The following LPA variants were observed in gnomAD, a reference collection of about 807,000 sequenced individuals.
LPA encodes the protein apolipoprotein(a).
A neutral mutation model predicts 197.9 loss-of-function variants in LPA; 199 were observed. The ratio of observed to expected loss-of-function variants is 1.01; its 90% CI spans 0.90 to 1.13. The LOEUF (loss-of-function observed/expected upper bound fraction) is 1.13. Ranked by LOEUF, LPA falls within the 50% of genes most tolerant of loss-of-function variation. The pLI is 0.00. For synonymous variants in LPA, 715 were observed against 639.5 expected (o/e 1.12, Z -1.78); for missense variants, 1,853 against 1,785.8 (o/e 1.04, Z -0.68).
intron 16 of LPA, among the ~76,000 whole-genome samples, chr6:160,608,174 C>T (rs555453686): frequency 1.5e-4 from 23 of 152,282 alleles, no homozygotes; most frequent in African/African-American, 5.5e-4. Context: ...TTCTTCATTA[C>T]ATGGGCTGCA....
chr6:160,591,149 A>T (rs759967629), intron 22 of LPA, 48 bp from the exon 23 acceptor site: 1 of 1,607,872 alleles, frequency 6.2e-7, no homozygotes, highest in South Asian at 1.1e-5. Context: ...GAGAAGATAC[A>T]AGGGCACCAG....
In LPA at chr6:160,606,641, T is replaced by C; in HGVS notation, c.2621A>G (p.Tyr874Cys). Residue 874 changes from tyrosine (Y) to cysteine (C), a missense_variant, in exon 17 of 39, where the codon TAC becomes TGC. By Grantham distance (194) the Tyr-to-Cys change is radical (BLOSUM62 -2). Around this residue, in one of 3 missense-constraint regions of LPA, gnomAD observed 1,737 missense variants for 1,504.4 expected, o/e 1.15. Transcript: ENST00000316300. ...TGCCACAGGATCTGGATTCCTGCAG[T>C]AGTTCATGATCAAGCCACTGGAAAT... ...YYPNAGLIMN[Y>C]CRNPDPVAAP... 1 of 1,614,000 alleles carries C rather than the reference T, an allele frequency of 6.2e-7. No homozygotes were observed. Among genetic ancestry groups the C allele is most frequent in the South Asian group, 1.1e-5 (1 of 91,066 alleles).
At chr6:160,610,495 C>A (rs1405266293) in intron 16 of LPA, among the ~76,000 whole-genome samples, 3 of 152,160 alleles carry the variant, frequency 2.0e-5, no homozygotes, top group South Asian at 4.1e-4. Flanking sequence ...TGATCTCTAT[C>A]TTCTTAATTG....
intron 1 of LPA, among the ~76,000 whole-genome samples, chr6:160,662,062 A>T (rs961349457): frequency 6.6e-6 from 1 of 152,184 alleles, no homozygotes; most frequent in Non-Finnish European, 1.5e-5. Context: ...TCATGTTGCT[A>T]GGAAATATCC....
At chr6:160,606,313 C>A (rs62441702) in intron 17 of LPA, among the ~76,000 whole-genome samples, 164 bp downstream of exon 17, 1 of 152,164 alleles carries the variant, frequency 6.6e-6, no homozygotes, top group Non-Finnish European at 1.5e-5. Context: ...GAAATCAATC[C>A]GCTGGCTCCC....
Position 160,555,455 on chromosome 6 carries a change from A to ATATG in LPA, c.4973+569_4973+570insCATA, listed in dbSNP as rs1287454419. On this transcript the variant is annotated intron_variant, in intron 30 of 38. Coordinates refer to ENST00000316300, the MANE Select transcript of LPA (RefSeq NM_005577.4). ...CTAGAACATATATATATATATATATATGTGTGTGTATATATATATGTATAT... is the reference window on the plus strand; with the variant it reads ...CTAGAACATATATATATATATATATATATGTGTGTGTGTATATATATATGTATAT... Among the ~76,000 whole-genome samples the ATATG allele has an allele frequency of 6.4e-3, 853 of 133,060 alleles. 4 individuals are homozygous for ATATG. Among genetic ancestry groups the ATATG allele is most frequent in the African/African-American group, 0.018 (636 of 35,260 alleles). 87.3% of individuals were successfully genotyped at this position (133,060 alleles called of 152,430 possible).
rs905200759 is a variant in LPA at position 160,549,535 on chromosome 6, T to C, written c.4974-876A>G. On this transcript the variant is annotated intron_variant, in intron 30 of 38. Coordinates refer to ENST00000316300, the MANE Select transcript of LPA (RefSeq NM_005577.4). Reference sequence around the variant, plus strand: ...TCCAAGGAGGAAATGCCATCCAAGATGATATCATTCCCAGGCCAGCCTCCC... The same window carrying C: ...TCCAAGGAGGAAATGCCATCCAAGACGATATCATTCCCAGGCCAGCCTCCC... Among the ~76,000 whole-genome samples, 8 of 152,324 alleles carry C rather than the reference T, an allele frequency of 5.3e-5. No homozygotes were observed. The South Asian group carries it at 8.3e-4, about 16-fold the overall frequency.
intron 18 of LPA, among the ~76,000 whole-genome samples, chr6:160,601,531 G>T (rs540518054): frequency 6.6e-6 from 1 of 152,118 alleles, no homozygotes; most frequent in Non-Finnish European, 1.5e-5. Context: ...ATATAGTAAT[G>T]TGCGAGTTGG....
At chr6:160,574,116 T>A (rs890214628) in intron 28 of LPA, among the ~76,000 whole-genome samples, 1 of 151,606 alleles carries the variant, frequency 6.6e-6, no homozygotes, top group Non-Finnish European at 1.5e-5. Flanking sequence ...GTCACTGGAG[T>A]TGTGTACCTA....
chr6:160,578,471 T>A, intron 27 of LPA, 52 bp downstream of exon 27: 1 of 1,607,966 alleles, frequency 6.2e-7, no homozygotes, highest in Non-Finnish European at 8.5e-7. Flanking sequence ...TCAGTAAGAT[T>A]TTCCATGGTT....
At chr6:160,532,675 G>C (rs773396699) in intron 37 of LPA, 26 bp from the exon 38 acceptor site, 2 of 1,436,664 alleles carry the variant, frequency 1.4e-6, no homozygotes, top group East Asian at 4.5e-5. Context: ...TGAAAGAAAT[G>C]GTTACTGAGG....
In LPA at chr6:160,611,562, G is replaced by A. The variant is rs757112211; in HGVS notation, c.2603C>T (p.Ala868Val). 28 of 1,606,472 alleles carry A rather than the reference G, an allele frequency of 1.7e-5. No homozygotes were observed. Among genetic ancestry groups the A allele is most frequent in the Admixed American group, 1.0e-4 (6 of 59,960 alleles). ...CTTATGGTAAAGAACAAAGACATAC[G>A]CATTTGGGTAGTATTCTGGGGTCCG... is the stretch of plus-strand genomic sequence containing the variant. Reference protein sequence around the residue: ...HSRTPEYYPNAGLIMNYCRNP... With the variant: ...HSRTPEYYPNVGLIMNYCRNP... The change falls in exon 16 of 39, where the codon GCT becomes GTT. Residue 868 changes from alanine to valine, a missense_variant and splice_region_variant. Coordinates refer to ENST00000316300, the MANE Select transcript of LPA (RefSeq NM_005577.4).
At chr6:160,558,163 C>T (rs1187986514) in intron 28 of LPA, among the ~76,000 whole-genome samples, 3 of 152,122 alleles carry the variant, frequency 2.0e-5, no homozygotes, top group South Asian at 4.1e-4. Context: ...TCGTGATCCA[C>T]CCACCTCGGC....
chr6:160,597,294 G>A (rs1043572998), intron 20 of LPA, among the ~76,000 whole-genome samples: 7 of 152,238 alleles, frequency 4.6e-5, no homozygotes, highest in Admixed American at 1.3e-4. Flanking sequence ...AACTCAGAGT[G>A]TGGGCTTATC....
intron 28 of LPA, among the ~76,000 whole-genome samples, chr6:160,563,895 T>A (rs2115017780): frequency 6.6e-6 from 1 of 152,330 alleles, no homozygotes; most frequent in Admixed American, 6.5e-5. Flanking sequence ...CCGCTGCTTT[T>A]TTTTTCTTTC....
rs1352017075 is a variant in LPA, at chr6:160,634,926, C to A, written c.1075+197G>T. ...GGAAGGTTTGTGCCCATTCTAAAGA[C>A]AAAGCCCACCCAAGTTGCACCAGAA... On this transcript the variant is annotated intron_variant, in intron 7 of 38. Coordinates refer to ENST00000316300, the MANE Select transcript of LPA (RefSeq NM_005577.4). Among the ~76,000 whole-genome samples, 45 of 150,326 alleles carry A rather than the reference C, an allele frequency of 3.0e-4. 5 individuals are homozygous for A. The highest frequency in any genetic ancestry group is 1.0e-3 in the African/African-American group (41 of 39,640).
intron 16 of LPA, among the ~76,000 whole-genome samples, chr6:160,609,845 T>C (rs931460063): frequency 2.6e-5 from 4 of 151,990 alleles, no homozygotes; most frequent in Non-Finnish European, 5.9e-5. Context: ...TGTGTGTGTG[T>C]GTGGCTCATT....
At chr6:160,573,393 C>A (rs1431024488) in intron 28 of LPA, among the ~76,000 whole-genome samples, 1 of 151,516 alleles carries the variant, frequency 6.6e-6, no homozygotes, top group Non-Finnish European at 1.5e-5. Context: ...TTCTCTGGTC[C>A]CTCCCTGATT....
Position 160,547,821 on chromosome 6 carries a change from C to T in LPA, c.5272G>A (p.Gly1758Arg), listed in dbSNP as rs1254684539. Residue 1758 changes from glycine to arginine, a missense_variant, in exon 32 of 39, where the codon GGG becomes AGG. Transcript: ENST00000316300. ...TCCAGACCTGCCCATTTATTTGTCC[C>T]TGGAATGAACGTGCTGTGTCTATGG... is the stretch of plus-strand genomic sequence containing the variant. ...EPHRHSTFIPGTNKWAGLEKN... is the reference protein window; with the variant it reads ...EPHRHSTFIPRTNKWAGLEKN... 8 of 1,614,100 alleles carry T rather than the reference C, an allele frequency of 5.0e-6. No individual in the cohort carries two copies. Among genetic ancestry groups the T allele is most frequent in the South Asian group, 3.3e-5 (3 of 91,074 alleles).
Sources: gnomAD v4.1 joint callset for allele counts (sites outside exome capture counted in the v4.1 genomes callset) on GRCh38, gnomAD v4.1.1 for gene constraint, gnomAD v4.1.1 regional missense constraint, MANE v1.5 for transcripts, NCBI Gene and HGNC (gene_info 2026-07-23, HGNC 2026-07-21) for gene names.